Variants in NALCN observed in about 807,000 individuals in gnomAD.
NALCN encodes the protein sodium leak channel, non-selective, also known as sodium leak channel NALCN.
In NALCN, 111 loss-of-function variants were observed where a neutral mutation model predicts 225.3. The ratio of observed to expected loss-of-function variants is 0.49; its 90% confidence interval spans 0.42 to 0.58. The LOEUF (loss-of-function observed/expected upper bound fraction) is 0.58. NALCN is among the 20% of genes least tolerant of loss of function. The probability of loss-of-function intolerance (pLI) is 0.00; values close to 1 mark genes in which losing one functional copy is unlikely to be tolerated. For missense variants in NALCN, 1,378 were observed against 2,202.4 expected (o/e 0.63, Z 7.49); for synonymous variants, 764 against 769.0 (o/e 0.99, Z 0.11).
At chr13:101,156,089 T>C (rs1278437925) in intron 15 of NALCN, among the ~76,000 whole-genome samples, 1 of 152,222 alleles carries the variant, frequency 6.6e-6, no homozygotes, top group Non-Finnish European at 1.5e-5. Flanking sequence ...TCCTTATTCA[T>C]TTCATTGCTC....
At chr13:101,174,151 A>G (rs1333849218) in intron 15 of NALCN, among the ~76,000 whole-genome samples, 2 of 152,220 alleles carry the variant, frequency 1.3e-5, no homozygotes, top group African/African-American at 4.8e-5. Context: ...ACGAGTTTCA[A>G]GTATGAAATT....
At chr13:101,217,519 C>T (rs2040782925) in intron 13 of NALCN, among the ~76,000 whole-genome samples, 2 of 152,096 alleles carry the variant, frequency 1.3e-5, no homozygotes, top group Admixed American at 6.6e-5. Flanking sequence ...GAGTAGAATT[C>T]GAGCATCCCT....
At chr13:101,347,655 G>C (rs1291112644) in intron 6 of NALCN, among the ~76,000 whole-genome samples, 2 of 152,090 alleles carry the variant, frequency 1.3e-5, no homozygotes, top group Non-Finnish European at 2.9e-5. Context: ...TCAGAGTGAG[G>C]CTTTCTGGGT....
At chr13:101,404,869 C>T (rs113252147) in intron 1 of NALCN, among the ~76,000 whole-genome samples, 6,106 of 152,242 alleles carry the variant, frequency 0.04, 226 homozygotes, top group East Asian at 0.12. Flanking sequence ...CATTCACATG[C>T]TTATACGTGC....
At chr13:101,323,888 A>G (rs2044844954) in intron 7 of NALCN, among the ~76,000 whole-genome samples, 1 of 152,312 alleles carries the variant, frequency 6.6e-6, no homozygotes. Context: ...ATTTTTTCAA[A>G]TGGGTAACTT....
chr13:101,174,322 A>C (rs1320292435), intron 15 of NALCN, among the ~76,000 whole-genome samples: 1 of 152,212 alleles, frequency 6.6e-6, no homozygotes, highest in Non-Finnish European at 1.5e-5. Flanking sequence ...CAATTGGATA[A>C]CCAGTTCTGA....
chr13:101,396,378 T>C (rs1388661651), intron 2 of NALCN, among the ~76,000 whole-genome samples: 2 of 152,102 alleles, frequency 1.3e-5, no homozygotes, highest in Non-Finnish European at 2.9e-5. Flanking sequence ...ATTGACTATC[T>C]GGGACATATA....
chr13:101,115,432 T>C (rs2035660313), intron 18 of NALCN, among the ~76,000 whole-genome samples: 1 of 152,100 alleles, frequency 6.6e-6, no homozygotes, highest in African/African-American at 2.4e-5. Flanking sequence ...GGGAACATAG[T>C]CTCCATATAC....
At chr13:101,296,878 T>C (rs955682693) in intron 7 of NALCN, among the ~76,000 whole-genome samples, 5 of 152,208 alleles carry the variant, frequency 3.3e-5, no homozygotes, top group Non-Finnish European at 7.3e-5. Flanking sequence ...GTGGTTTGAA[T>C]TGATTAAATA....
chr13:101,164,513 A>G (rs1566367616), intron 15 of NALCN, among the ~76,000 whole-genome samples: 1 of 152,130 alleles, frequency 6.6e-6, no homozygotes, highest in Non-Finnish European at 1.5e-5. Context: ...TTGGTCTCCA[A>G]CTACTGGGCT....
At chr13:101,345,176 A>G in intron 7 of NALCN, 90 bp downstream of exon 7, 2 of 1,341,874 alleles carry the variant, frequency 1.5e-6, no homozygotes, top group Non-Finnish European at 2.0e-6. Context: ...CAGCCAGTCA[A>G]AATATTAGTA....
chr13:101,160,156 A>T (rs182271955), intron 15 of NALCN, among the ~76,000 whole-genome samples: 1 of 151,992 alleles, frequency 6.6e-6, no homozygotes, highest in South Asian at 2.1e-4. Flanking sequence ...GGGTTTCACC[A>T]TGTTAGCCAG....
intron 13 of NALCN, among the ~76,000 whole-genome samples, chr13:101,215,874 C>A (rs1390273444): frequency 6.6e-6 from 1 of 152,156 alleles, no homozygotes; most frequent in Non-Finnish European, 1.5e-5. Flanking sequence ...TGCTTTAAAT[C>A]TAAGAAAAGG....
At chr13:101,189,373 T>C (rs1189734912) in intron 14 of NALCN, among the ~76,000 whole-genome samples, 2 of 152,276 alleles carry the variant, frequency 1.3e-5, no homozygotes, top group Non-Finnish European at 2.9e-5. Flanking sequence ...AATATAAATT[T>C]AACATTTATT....
chr13:101,191,678 C>A (rs1310813070), intron 14 of NALCN, among the ~76,000 whole-genome samples: 1 of 152,042 alleles, frequency 6.6e-6, no homozygotes, highest in African/African-American at 2.4e-5. Flanking sequence ...TCATTTTGTT[C>A]TGTCTTGTTT....
chr13:101,141,585 T>C (rs1023471470), intron 17 of NALCN, among the ~76,000 whole-genome samples: 4 of 147,096 alleles, frequency 2.7e-5, no homozygotes, highest in African/African-American at 1.0e-4. Context: ...GGGGGAGAGG[T>C]AAACGGGAGT....
chr13:101,167,994 G>T (rs1164767253), intron 15 of NALCN, among the ~76,000 whole-genome samples: 1 of 151,978 alleles, frequency 6.6e-6, no homozygotes, highest in Admixed American at 6.6e-5. Context: ...ATTCTTTTTG[G>T]TGCTACTGTA....
At chr13:101,330,807 C>T (rs1433480360) in intron 7 of NALCN, among the ~76,000 whole-genome samples, 4 of 152,042 alleles carry the variant, frequency 2.6e-5, no homozygotes, top group Non-Finnish European at 4.4e-5. Context: ...ATAAGCCTCA[C>T]AAGATCTGAC....
At chr13:101,306,945 C>T (rs2044172284) in intron 7 of NALCN, among the ~76,000 whole-genome samples, 1 of 152,112 alleles carries the variant, frequency 6.6e-6, no homozygotes, top group Non-Finnish European at 1.5e-5. Flanking sequence ...CCTGCGGTTT[C>T]TGAGGTAAGG....
Sources: allele counts gnomAD v4.1 joint callset (sites outside exome capture counted in the v4.1 genomes callset), GRCh38; gene constraint gnomAD v4.1.1; transcripts MANE v1.5; gene names NCBI Gene and HGNC (gene_info 2026-07-23, HGNC 2026-07-21).